Variants in BACE1 observed in about 807,000 individuals in gnomAD.
BACE1 encodes the protein APP beta-secretase.
In BACE1, 21 loss-of-function variants were observed where a neutral mutation model predicts 54.0. The ratio of observed to expected loss-of-function variants is 0.39; its 90% CI spans 0.28 to 0.56. The LOEUF (loss-of-function observed/expected upper bound fraction) is 0.56. Ranked by LOEUF, BACE1 falls within the 20% of genes least tolerant of loss-of-function variation. BACE1 has a pLI of 0.63. For missense variants in BACE1, 511 were observed against 661.2 expected (o/e 0.77, Z 2.49); for synonymous variants, 232 against 260.9 (o/e 0.89, Z 1.07).
chr11:117,292,822 C>T (rs985605687), intron 5 of BACE1: 1 of 465,644 alleles, frequency 2.1e-6, no homozygotes, highest in Non-Finnish European at 3.9e-6. Flanking sequence ...TGACTAGAGT[C>T]CAGACATCAG....
At chr11:117,314,193 C>T (rs780080129) in intron 1 of BACE1, among the ~76,000 whole-genome samples, 1 of 152,188 alleles carries the variant, frequency 6.6e-6, no homozygotes, top group Non-Finnish European at 1.5e-5. Flanking sequence ...TGCTCCCTGA[C>T]GATATCATCT....
chr11:117,293,186 G>C lies in BACE1; in HGVS notation c.708C>G (p.Ile236Met). Reference protein sequence around the residue: ...EVLASVGGSMIIGGIDHSLYT... With the variant: ...EVLASVGGSMMIGGIDHSLYT... ...ACAGCGAGTGGTCGATACCTCCAAT[G>C]ATCTAGGGAAAAAAAGAGGCAGGTA... Residue 236 changes from isoleucine (I) to methionine (M), a missense_variant and splice_region_variant, in exon 5 of 9, where the codon ATC becomes ATG. Ile to Met is a conservative substitution (Grantham distance 10, BLOSUM62 1). This residue lies in a region of BACE1 where 407 missense variants were observed against 565.7 expected (regional missense o/e 0.72). Coordinates refer to ENST00000313005, the MANE Select transcript of BACE1 (RefSeq NM_012104.6). This position sits in a 1 kb window ranked among gnomAD's most constrained non-coding sequence, Gnocchi z 4.1. The C allele has an allele frequency of 6.2e-7, 1 of 1,612,946 alleles. No individual in the cohort carries two copies. Among genetic ancestry groups the C allele is most frequent in the Non-Finnish European group, 8.5e-7 (1 of 1,179,646 alleles).
rs1262690030 is a variant in BACE1 at position 117,291,816 on chromosome 11, A to G, written c.841-3T>C. On this transcript the variant is annotated splice_region_variant and splice_polypyrimidine_tract_variant and intron_variant, in intron 5 of 8. Transcript: ENST00000313005. ...ACAATGCTCTTGTCATAGTTGTACT[A>G]AGAGGGAAAAGAGAGAGTTAAAAGA... is the stretch of plus-strand genomic sequence containing the variant. 8 of 1,598,068 alleles carry G rather than the reference A, an allele frequency of 5.0e-6. No homozygotes were observed. In the South Asian group the frequency reaches 6.6e-5, roughly 13 times the overall value.
At chr11:117,313,148 C>T (rs1197553349) in intron 1 of BACE1, among the ~76,000 whole-genome samples, 1 of 152,222 alleles carries the variant, frequency 6.6e-6, no homozygotes, top group Non-Finnish European at 1.5e-5. Flanking sequence ...GTCCTTCTTA[C>T]AGACAGATGG....
In BACE1 at chr11:117,315,399, C is replaced by A. The variant is rs1157607304; in HGVS notation, c.261+136G>T. On this transcript the variant is annotated intron_variant, in intron 1 of 8. Coordinates refer to ENST00000313005, the MANE Select transcript of BACE1 (RefSeq NM_012104.6). The surrounding 1 kb of genome is among the most constrained non-coding windows in gnomAD (Gnocchi z 5.5). The stretch of plus-strand genomic sequence containing the variant: ...CTTCTGCCAACAACCACGTGACCCC[C>A]GGGGAATGGCTGGGGAGGGGTCCCT... The A allele has an allele frequency of 6.5e-6, 8 of 1,236,056 alleles. No individual in the cohort carries two copies. The highest frequency in any genetic ancestry group is 1.6e-5 in the African/African-American group (1 of 62,714). 76.6% of individuals were successfully genotyped at this position (1,236,056 alleles called of 1,614,324 possible).
intron 1 of BACE1, among the ~76,000 whole-genome samples, chr11:117,310,992 T>G (rs1321157582): frequency 6.6e-6 from 1 of 151,288 alleles, no homozygotes; most frequent in East Asian, 1.9e-4. Flanking sequence ...TTTTTTTTTC[T>G]TTTTTGGAGA....
chr11:117,289,822 A>G lies in BACE1; in HGVS notation c.1265-15T>C. 1.9e-6 allele frequency: 3 copies of G among 1,607,746 alleles called. No homozygotes were observed. The highest frequency in any genetic ancestry group is 2.6e-6 in the Non-Finnish European group (3 of 1,174,446). On this transcript the variant is annotated splice_polypyrimidine_tract_variant and intron_variant, in intron 8 of 8. Coordinates refer to ENST00000313005, the MANE Select transcript of BACE1 (RefSeq NM_012104.6). ...CTCATCGTGCACTGGGGAGAGGGCAAATGTGAATGGACAGCTCTCATTGTC... is the reference window on the plus strand; with the variant it reads ...CTCATCGTGCACTGGGGAGAGGGCAGATGTGAATGGACAGCTCTCATTGTC...
At chr11:117,302,714 C>G (rs2034751680) in intron 1 of BACE1, among the ~76,000 whole-genome samples, 1 of 152,188 alleles carries the variant, frequency 6.6e-6, no homozygotes, top group Non-Finnish European at 1.5e-5. Context: ...GAAACTCTGT[C>G]TCTATTAAAA....
intron 1 of BACE1, chr11:117,314,818 T>G (rs1251516645): frequency 6.6e-6 from 1 of 152,436 alleles, no homozygotes; most frequent in Non-Finnish European, 1.5e-5. Context: ...GGAGTCCCAC[T>G]CTTAAAAGGG....
intron 1 of BACE1, among the ~76,000 whole-genome samples, chr11:117,306,852 A>G (rs1450898549): frequency 1.3e-5 from 2 of 152,148 alleles, no homozygotes; most frequent in Admixed American, 1.3e-4. Context: ...AGATTCACTG[A>G]CCTTGAAAGA....
rs2034260160 is a variant in BACE1 at position 117,286,353 on chromosome 11, ACT to A, written c.*3211_*3212del. On this transcript the variant is annotated 3_prime_UTR_variant, in exon 9 of 9. Coordinates refer to ENST00000313005, the MANE Select transcript of BACE1 (RefSeq NM_012104.6). The stretch of plus-strand genomic sequence containing the variant: ...AGGTTTTATACCTGGGAAAGCTGTG[ACT>A]CTATTAGAGCTTTGAATCTTTTCCT... The A allele has an allele frequency of 6.6e-6, 1 of 152,030 alleles. No individual in the cohort carries two copies. Among genetic ancestry groups the A allele is most frequent in the African/African-American group, 2.4e-5 (1 of 41,382 alleles). 9.4% of individuals were successfully genotyped at this position (152,030 alleles called of 1,614,324 possible).
intron 1 of BACE1, among the ~76,000 whole-genome samples, chr11:117,314,360 C>T (rs2035023123): frequency 6.6e-6 from 1 of 152,108 alleles, no homozygotes; most frequent in Non-Finnish European, 1.5e-5. Flanking sequence ...GGCTGGGGAG[C>T]ACGCACCTAG....
Position 117,293,810 on chromosome 11 carries a change from A to C in BACE1, c.705+61T>G, listed in dbSNP as rs1331942287. On this transcript the variant is annotated intron_variant, in intron 4 of 8. Coordinates refer to ENST00000313005, the MANE Select transcript of BACE1 (RefSeq NM_012104.6). This position sits in a 1 kb window ranked among gnomAD's most constrained non-coding sequence, Gnocchi z 4.1. ...CTGTGGTGTAGCTTTCAGGAAGGGG[A>C]GAGGATGGCACCCATCTCTCCCTCA... is the stretch of plus-strand genomic sequence containing the variant. 7 of 1,519,620 alleles carry C rather than the reference A, an allele frequency of 4.6e-6. No homozygotes were observed. Among genetic ancestry groups the C allele is most frequent in the Non-Finnish European group, 6.2e-6 (7 of 1,131,562 alleles). 94.1% of individuals were successfully genotyped at this position (1,519,620 alleles called of 1,614,324 possible).
chr11:117,293,778 G>T lies in BACE1; in HGVS notation c.705+93C>A. ...GTTCCTCCTGATTCTAAGTATCGGA[G>T]CCAAAACTGTGGTGTAGCTTTCAGG... On this transcript the variant is annotated intron_variant, in intron 4 of 8. Transcript: ENST00000313005. This position sits in a 1 kb window ranked among gnomAD's most constrained non-coding sequence, Gnocchi z 4.1. 7.3e-7 allele frequency: 1 copy of T among 1,371,434 alleles called. No homozygotes were observed. 85.0% of individuals were successfully genotyped at this position (1,371,434 alleles called of 1,614,324 possible).
chr11:117,289,353 C>G lies in BACE1; in HGVS notation c.*213G>C. On this transcript the variant is annotated 3_prime_UTR_variant, in exon 9 of 9. Transcript: ENST00000313005. Reference sequence around the variant, plus strand: ...CAAGAGTATTCCCGCCAGCAGAGTGCTTCTTTCTTCTCTTTTCTGTTTCCT... The same window carrying G: ...CAAGAGTATTCCCGCCAGCAGAGTGGTTCTTTCTTCTCTTTTCTGTTTCCT... 1 of 701,020 alleles carries G rather than the reference C, an allele frequency of 1.4e-6. No homozygotes were observed. Among genetic ancestry groups the G allele is most frequent in the Non-Finnish European group, 2.2e-6 (1 of 448,128 alleles). 43.4% of individuals were successfully genotyped at this position (701,020 alleles called of 1,614,324 possible). A position where few individuals can be genotyped will look rare whatever the true frequency, so the allele number is the denominator to read the frequency against.
Position 117,293,318 on chromosome 11 carries a change from C to A in BACE1, c.706-130G>T. 2 of 923,518 alleles carry A rather than the reference C, an allele frequency of 2.2e-6. No individual in the cohort carries two copies. The highest frequency in any genetic ancestry group is 3.1e-5 in the Admixed American group (1 of 32,478). 57.2% of individuals were successfully genotyped at this position (923,518 alleles called of 1,614,324 possible). ...TCTACAGGCTACCCTTTTCATCTTC[C>A]TGCTTCTAAACAAATCATACCCAAA... On this transcript the variant is annotated intron_variant, in intron 4 of 8. Coordinates refer to ENST00000313005, the MANE Select transcript of BACE1 (RefSeq NM_012104.6). The surrounding 1 kb of genome is among the most constrained non-coding windows in gnomAD (Gnocchi z 4.1).
intron 1 of BACE1, among the ~76,000 whole-genome samples, chr11:117,301,250 T>A (rs1298607648): frequency 6.6e-6 from 1 of 152,144 alleles, no homozygotes; most frequent in Non-Finnish European, 1.5e-5. Context: ...TAACTCCAGC[T>A]TTTTCCTCTC....
Position 117,316,194 on chromosome 11 carries a change from G to T in BACE1, c.-399C>A, listed in dbSNP as rs1432129045. On this transcript the variant is annotated 5_prime_UTR_variant, in exon 1 of 9. Transcript: ENST00000313005. ...TCCTGCGGCTGCGTTGGCTGCTCAG[G>T]CCACCATAATCCAGCTCGCGGCTCG... 2.4e-6 allele frequency: 1 copy of T among 416,634 alleles called. No individual in the cohort carries two copies. Among genetic ancestry groups the T allele is most frequent in the East Asian group, 3.6e-5 (1 of 28,136 alleles). The allele number at this position is 416,634 out of a possible 1,614,324, so 25.8% of individuals were successfully genotyped here. A position where few individuals can be genotyped will look rare whatever the true frequency, so the allele number is the denominator to read the frequency against.
In BACE1 at chr11:117,293,880, T is replaced by A; in HGVS notation, c.696A>T (p.Gly232=). The A allele has an allele frequency of 6.2e-7, 1 of 1,613,096 alleles. No homozygotes were observed. Among genetic ancestry groups the A allele is most frequent in the Non-Finnish European group, 8.5e-7 (1 of 1,179,722 alleles). The change falls in exon 4 of 9, where the codon GGA becomes GGT. Residue 232 remains glycine (G), a synonymous_variant. Coordinates refer to ENST00000313005, the MANE Select transcript of BACE1 (RefSeq NM_012104.6). The surrounding 1 kb of genome is among the most constrained non-coding windows in gnomAD (Gnocchi z 4.1). ...CTGAGGACCTACTCACCATGCTCCC[T>A]CCGACAGAGGCCAGCACTTCAGACT... ...LNQSEVLASV[G]GSMIIGGIDH... is the part of the protein sequence containing the mutation.
Sources: gnomAD v4.1 joint callset for allele counts (sites outside exome capture counted in the v4.1 genomes callset) on GRCh38, gnomAD v4.1.1 for gene constraint, gnomAD v4.1.1 regional missense constraint, Gnocchi (gnomAD v3.1) non-coding constraint, MANE v1.5 for transcripts, NCBI Gene and HGNC (gene_info 2026-07-23, HGNC 2026-07-21) for gene names.